OR2L13: variants seen among roughly 807,000 people sequenced by gnomAD.
OR2L13 encodes olfactory receptor family 2 subfamily L member 13.
OR2L13 carries 14 observed loss-of-function variants against 15.3 expected under a neutral mutation model. The ratio of observed to expected loss-of-function variants is 0.91; its 90% CI spans 0.60 to 1.43. The LOEUF is 1.43. Among genes scored for constraint, OR2L13 ranks in the 40% most tolerant of loss-of-function variants. OR2L13 has a pLI of 0.00. For missense variants in OR2L13, 367 were observed against 387.9 expected (o/e 0.95, Z 0.45); for synonymous variants, 152 against 142.9 (o/e 1.06, Z -0.45).
chr1:248,021,819 G>T, the OR2L13 span: 4 of 653,812 alleles, frequency 6.1e-6, no homozygotes, highest in African/African-American at 3.7e-5. Flanking sequence ...GTGTATATAG[G>T]GTTCAGTGTC....
At chr1:247,989,170 T>C in the OR2L13 span, among the ~76,000 whole-genome samples, 845 of 152,278 alleles carry the variant, frequency 5.5e-3, 11 homozygotes, top group Middle Eastern at 0.024. Context: ...GAATTACATT[T>C]CATGAAAAAG....
the OR2L13 span, among the ~76,000 whole-genome samples, chr1:248,006,453 A>G: frequency 1.3e-5 from 2 of 152,094 alleles, no homozygotes; most frequent in African/African-American, 4.8e-5. Context: ...CAATGATAAC[A>G]GCAGAGCATG....
chr1:248,026,130 A>G, the OR2L13 span, among the ~76,000 whole-genome samples: 1 of 152,184 alleles, frequency 6.6e-6, no homozygotes, highest in Admixed American at 6.6e-5. Flanking sequence ...TGGCAAATAT[A>G]AGTGTGTCTA....
chr1:248,050,871 G>A, the OR2L13 span, among the ~76,000 whole-genome samples: 1 of 151,776 alleles, frequency 6.6e-6, no homozygotes, highest in African/African-American at 2.4e-5. Context: ...TCAAAAATTA[G>A]CAATGTCATA....
chr1:248,086,608 G>A, the OR2L13 span, among the ~76,000 whole-genome samples: 2 of 151,646 alleles, frequency 1.3e-5, no homozygotes, highest in Non-Finnish European at 2.9e-5. Flanking sequence ...AGGATTTTTT[G>A]GTGTTTTAAA....
upstream of OR2L13, among the ~76,000 whole-genome samples, chr1:248,096,544 A>G (rs1010031921): frequency 3.3e-5 from 5 of 152,228 alleles, no homozygotes; most frequent in African/African-American, 1.2e-4. Context: ...GGGAATGGGC[A>G]AAGGACAGTG....
the OR2L13 span, chr1:247,949,813 A>G: frequency 6.3e-7 from 1 of 1,586,326 alleles, no homozygotes; most frequent in Non-Finnish European, 8.6e-7. Flanking sequence ...TTTCTGCCTA[A>G]GGTCTCAGGA....
At chr1:248,048,923 C>CTCT in the OR2L13 span, among the ~76,000 whole-genome samples, 9 of 141,694 alleles carry the variant, frequency 6.4e-5, no homozygotes, top group African/African-American at 2.1e-4. Flanking sequence ...TTCTCTCTCT[C>CTCT]TTTTTTTTTT....
the OR2L13 span, among the ~76,000 whole-genome samples, chr1:247,946,143 C>T: frequency 5.9e-5 from 9 of 152,118 alleles, 1 homozygote; most frequent in Middle Eastern, 6.8e-3. Context: ...GTGCAATTTT[C>T]AGATTGTTTA....
At chr1:248,066,081 C>A in the OR2L13 span, among the ~76,000 whole-genome samples, 1 of 152,170 alleles carries the variant, frequency 6.6e-6, no homozygotes, top group Non-Finnish European at 1.5e-5. Flanking sequence ...CCCCCATATA[C>A]CTCCTAGTAA....
the OR2L13 span, among the ~76,000 whole-genome samples, chr1:247,946,572 A>G: frequency 1.3e-5 from 2 of 152,178 alleles, no homozygotes; most frequent in African/African-American, 4.8e-5. Flanking sequence ...ACTCTTGCTG[A>G]CCCCAAAGGC....
chr1:248,037,832 A>T, the OR2L13 span, among the ~76,000 whole-genome samples: 1 of 152,168 alleles, frequency 6.6e-6, no homozygotes, highest in Non-Finnish European at 1.5e-5. Context: ...ATAAATTTTC[A>T]ATTGGTTTTC....
At chr1:248,000,375 G>A in the OR2L13 span, among the ~76,000 whole-genome samples, 1 of 152,058 alleles carries the variant, frequency 6.6e-6, no homozygotes. Context: ...TTCAAATCCT[G>A]TGATTCAGTG....
At chr1:248,006,467 C>T in the OR2L13 span, among the ~76,000 whole-genome samples, 103 of 152,084 alleles carry the variant, frequency 6.8e-4, no homozygotes, top group East Asian at 0.014. Flanking sequence ...GAGCATGAAA[C>T]CATGCATGGA....
the OR2L13 span, among the ~76,000 whole-genome samples, chr1:248,085,056 A>C: frequency 1.3e-5 from 2 of 152,328 alleles, no homozygotes; most frequent in African/African-American, 4.8e-5. Flanking sequence ...AAATAGGCAA[A>C]GATTCTACCT....
the OR2L13 span, among the ~76,000 whole-genome samples, chr1:247,993,220 G>A: frequency 6.6e-6 from 1 of 152,142 alleles, no homozygotes; most frequent in East Asian, 1.9e-4. Context: ...CATTTTTAAT[G>A]GGGTTAGTTT....
the OR2L13 span, chr1:248,039,002 T>G: frequency 6.2e-7 from 1 of 1,614,146 alleles, no homozygotes; most frequent in East Asian, 2.2e-5. Flanking sequence ...CCCACCTCAC[T>G]GTAGTGTCCT....
chr1:247,992,725 G>T, the OR2L13 span, among the ~76,000 whole-genome samples: 1 of 152,128 alleles, frequency 6.6e-6, no homozygotes, highest in African/African-American at 2.4e-5. Flanking sequence ...TTTTATAGCT[G>T]TGTAGTGTTT....
the OR2L13 span, among the ~76,000 whole-genome samples, chr1:248,024,541 T>C: frequency 8.5e-5 from 13 of 152,196 alleles, no homozygotes; most frequent in Admixed American, 8.5e-4. Flanking sequence ...TGGTTTTAGG[T>C]CTAACGTTTA....
Sources: allele counts gnomAD v4.1 joint callset (sites outside exome capture counted in the v4.1 genomes callset), GRCh38; gene constraint gnomAD v4.1.1; transcripts MANE v1.5; gene names NCBI Gene and HGNC (gene_info 2026-07-23, HGNC 2026-07-21).